The following ASB12 variants were observed in gnomAD, a reference collection of about 807,000 sequenced individuals.
The protein encoded by ASB12 is ankyrin repeat and SOCS box protein 12.
A neutral mutation model predicts 13.7 loss-of-function variants in ASB12; 17 were observed. The observed-to-expected ratio is 1.24, with a 90% CI of 0.85 to 1.86. The LOEUF is 1.86. Among genes scored for constraint, ASB12 ranks in the 40% most tolerant of loss-of-function variants. The pLI, the probability that ASB12 is intolerant of heterozygous loss-of-function variation, is 0.00. For missense variants in ASB12, 329 were observed against 250.5 expected (o/e 1.31, Z -2.11); for synonymous variants, 107 against 99.8 (o/e 1.07, Z -0.43).
intron 1 of ASB12, among the ~76,000 whole-genome samples, chrX:64,228,539 A>T (rs766344881): frequency 2.7e-5 from 3 of 111,769 alleles, no homozygotes; most frequent in African/African-American, 3.3e-5. Context: ...ACAAAATAAC[A>T]ATAGTATCTG....
At chrX:64,225,710 A>T in intron 1 of ASB12, 36 bp from the exon 2 acceptor site, 1 of 1,136,577 alleles carries the variant, frequency 8.8e-7, no homozygotes, top group Non-Finnish European at 1.2e-6. Flanking sequence ...GAATGAGGGT[A>T]CCCATCAAAA....
Position 64,225,312 on chromosome X carries a change from A to C in ASB12, c.339T>G (p.Ala113=). ...CACAGTCCAGATGGCCATGACTGAC[A>C]GCAGTGAAAAGTGGCGTCTGTGCCT... is the stretch of plus-strand genomic sequence containing the variant. ...DVKAQTPLFT[A]VSHGHLDCVR... Residue 113 remains alanine (A), a synonymous_variant, in exon 2 of 3, where the codon GCT becomes GCG. Transcript: ENST00000362002. 4.1e-6 allele frequency: 5 copies of C among 1,209,804 alleles called. No individual in the cohort carries two copies. The highest frequency in any genetic ancestry group is 1.8e-5 in the South Asian group (1 of 56,442).
In ASB12 at chrX:64,224,237, C is replaced by A; in HGVS notation, c.*98G>T. ...TATTGTGGAGGATAATACAGGAGAGCAGCTCCAGGTAAGTGGATGAGGCTG... is the reference window on the plus strand; with the variant it reads ...TATTGTGGAGGATAATACAGGAGAGAAGCTCCAGGTAAGTGGATGAGGCTG... On this transcript the variant is annotated 3_prime_UTR_variant, in exon 3 of 3. Transcript: ENST00000362002. 1.1e-6 allele frequency: 1 copy of A among 950,392 alleles called. No individual in the cohort carries two copies. Among genetic ancestry groups the A allele is most frequent in the South Asian group, 2.2e-5 (1 of 45,272 alleles). The allele number at this position is 950,392 out of a possible 1,213,427, so 78.3% of individuals were successfully genotyped here.
chrX:64,224,532 C>A, intron 2 of ASB12, 64 bp from the exon 3 acceptor site: 1 of 1,088,971 alleles, frequency 9.2e-7, no homozygotes. Context: ...CACAAGCCTA[C>A]ATCCACTCTC....
In ASB12 at chrX:64,225,064, C is replaced by A. The variant is rs1930910519; in HGVS notation, c.587G>T (p.Cys196Phe). 12 of 1,211,604 alleles carry A rather than the reference C, an allele frequency of 9.9e-6. No homozygotes were observed. Among genetic ancestry groups the A allele is most frequent in the Admixed American group, 4.3e-5 (2 of 46,021 alleles). The part of the protein sequence containing the change: ...YLAAVYGHLD[C>F]FRLLLLHGAD... Reference sequence around the variant, plus strand: ...CCCGTGGAGCAAAAGCAGGCGGAAACAGTCCAGGTGCCCGTAGACTGCGGC... The same window carrying A: ...CCCGTGGAGCAAAAGCAGGCGGAAAAAGTCCAGGTGCCCGTAGACTGCGGC... The change falls in exon 2 of 3, where the codon TGT (cysteine) becomes TTT (phenylalanine). Residue 196 changes from cysteine to phenylalanine, a missense_variant. Transcript: ENST00000362002.
At chrX:64,226,905 T>C in intron 1 of ASB12, 2 of 245,036 alleles carry the variant, frequency 8.2e-6, no homozygotes, top group Non-Finnish European at 1.1e-5. Context: ...ACCTACCTCA[T>C]AGAAAGAAAA....
chrX:64,226,575 C>T (rs781045265), intron 1 of ASB12: 2 of 287,235 alleles, frequency 7.0e-6, no homozygotes, highest in African/African-American at 3.0e-5. Flanking sequence ...CCCCATTCCT[C>T]TGGCTTAAGC....
chrX:64,228,437 G>A (rs147387213), intron 1 of ASB12, among the ~76,000 whole-genome samples: 1,437 of 112,092 alleles, frequency 0.013, 6 homozygotes, highest in Non-Finnish European at 0.018. Flanking sequence ...AAACATGGGA[G>A]TTCTGCTTCT....
At chrX:64,230,203 G>A (rs1342877957) in intron 1 of ASB12, among the ~76,000 whole-genome samples, 1 of 111,123 alleles carries the variant, frequency 9.0e-6, no homozygotes, top group Non-Finnish European at 1.9e-5. Flanking sequence ...AATCACAATT[G>A]CTCTCAAGAA....
Position 64,224,445 on chromosome X carries a change from G to A in ASB12, c.847C>T (p.Gln283Ter), listed in dbSNP as rs1930887814. ...GCTCTGCGGACGACTAAACGGACCT[G>A]TGATAGAAGTGACCGTGGAGTGGCT... ...ARATPRSLLS[Q>*]VRLVVRRALC... Residue 283 changes from glutamine (Q) to a stop codon, truncating the protein, a stop_gained, in exon 3 of 3, where the codon CAG becomes TAG. Coordinates refer to ENST00000362002, the MANE Select transcript of ASB12 (RefSeq NM_130388.4). LOFTEE classifies it high-confidence loss of function. 8.3e-7 allele frequency: 1 copy of A among 1,210,383 alleles called. No individual in the cohort carries two copies. The highest frequency in any genetic ancestry group is 1.1e-6 in the Non-Finnish European group (1 of 894,544).
At chrX:64,227,864 C>T (rs944564326) in intron 1 of ASB12, among the ~76,000 whole-genome samples, 1 of 111,862 alleles carries the variant, frequency 8.9e-6, no homozygotes, top group Admixed American at 9.5e-5. Flanking sequence ...ATCCCACTCT[C>T]ATAAAATCCC....
At chrX:64,230,112 A>C (rs1931026830) in intron 1 of ASB12, among the ~76,000 whole-genome samples, 1 of 109,931 alleles carries the variant, frequency 9.1e-6, no homozygotes, top group South Asian at 4.0e-4. Context: ...CCTTAAACCC[A>C]CTCTAAGGCA....
In ASB12 at chrX:64,224,321, G is replaced by A. The variant is rs1199798267; in HGVS notation, c.*14C>T. Reference sequence around the variant, plus strand: ...TTTTCGGAGGCATCATAAGTTCCTGGGGAGACTGCAAGATTACAGTTGGTG... The same window carrying A: ...TTTTCGGAGGCATCATAAGTTCCTGAGGAGACTGCAAGATTACAGTTGGTG... On this transcript the variant is annotated 3_prime_UTR_variant, in exon 3 of 3. Transcript: ENST00000362002. 2 of 1,207,546 alleles carry A rather than the reference G, an allele frequency of 1.7e-6. No homozygotes were observed. Among genetic ancestry groups the A allele is most frequent in the Non-Finnish European group, 2.2e-6 (2 of 893,644 alleles).
chrX:64,224,590 A>G (rs1432092982), intron 2 of ASB12, 122 bp from the exon 3 acceptor site: 2 of 896,195 alleles, frequency 2.2e-6, no homozygotes, highest in African/African-American at 4.1e-5. Flanking sequence ...AGAAATAAAC[A>G]GTCATTGGCA....
intron 1 of ASB12, among the ~76,000 whole-genome samples, chrX:64,228,684 T>G (rs1305096094): frequency 8.9e-6 from 1 of 111,879 alleles, no homozygotes; most frequent in Non-Finnish European, 1.9e-5. Flanking sequence ...AGGCTATTGC[T>G]CCCTACTTAA....
intron 1 of ASB12, among the ~76,000 whole-genome samples, chrX:64,229,062 AC>A (rs1333254177): frequency 9.1e-6 from 1 of 109,556 alleles, no homozygotes; most frequent in African/African-American, 3.3e-5. Flanking sequence ...ACAAACACAT[AC>A]CCCCCTCCCT....
Position 64,225,448 on chromosome X carries a change from C to G in ASB12, c.203G>C (p.Ser68Thr). 3 of 1,211,223 alleles carry G rather than the reference C, an allele frequency of 2.5e-6. No individual in the cohort carries two copies. Among genetic ancestry groups the G allele is most frequent in the Middle Eastern group, 2.3e-4 (1 of 4,354 alleles). ...ERYKRFINSR[S>T]GWGVPGTPLR... ...GGGTGTCCCAGGAACACCCCAGCCACTCCTGCTGTTGATGAAACGTTTGTA... is the reference window on the plus strand; with the variant it reads ...GGGTGTCCCAGGAACACCCCAGCCAGTCCTGCTGTTGATGAAACGTTTGTA... The change falls in exon 2 of 3, where the codon AGT (serine) becomes ACT (threonine). Residue 68 changes from serine to threonine, a missense_variant. By Grantham distance (58) the Ser-to-Thr change is moderately conservative. Coordinates refer to ENST00000362002, the MANE Select transcript of ASB12 (RefSeq NM_130388.4).
At position 64,225,214 on chromosome X, in the gene ASB12, G is replaced by A; in HGVS notation, c.437C>T (p.Ala146Val). ...IYNNCSPVLT[A>V]ARDGAVAILQ... ...GATAGCAACAGCACCATCACGGGCA[G>A]CTGTGAGCACGGGAGAACAGTTGTT... The change falls in exon 2 of 3, where the codon GCT becomes GTT. Residue 146 changes from alanine to valine, a missense_variant. Transcript: ENST00000362002. 3.3e-6 allele frequency: 4 copies of A among 1,211,811 alleles called. No homozygotes were observed. The highest frequency in any genetic ancestry group is 4.5e-6 in the Non-Finnish European group (4 of 895,527).
rs1930932851 is a variant in ASB12 at position 64,225,573 on chromosome X, C to T, written c.78G>A (p.Lys26=). 1 of 1,206,945 alleles carries T rather than the reference C, an allele frequency of 8.3e-7. No homozygotes were observed. The highest frequency in any genetic ancestry group is 1.1e-6 in the Non-Finnish European group (1 of 892,914). Residue 26 remains lysine (K), a synonymous_variant, in exon 2 of 3, where the codon AAG becomes AAA. Transcript: ENST00000362002. ...TKIFSLLQPD[K]EEEDTDTEEK... is the part of the protein sequence containing the mutation. ...CCTCTGTGTCAGTGTCCTCCTCCTC[C>T]TTGTCGGGCTGCAGGAGGGAGAAGA...
Sources: allele counts gnomAD v4.1 joint callset (sites outside exome capture counted in the v4.1 genomes callset), GRCh38; gene constraint gnomAD v4.1.1; transcripts MANE v1.5; gene names NCBI Gene and HGNC (gene_info 2026-07-23, HGNC 2026-07-21).